NAALADL2: variants seen among roughly 807,000 people sequenced by gnomAD.
NAALADL2 encodes N-acetylated alpha-linked acidic dipeptidase like 2, also known as inactive N-acetylated-alpha-linked acidic dipeptidase-like protein 2.
In NAALADL2, 76 loss-of-function variants were observed where a neutral mutation model predicts 87.2. The ratio of observed to expected loss-of-function variants is 0.87; its 90% CI spans 0.72 to 1.05. The LOEUF (loss-of-function observed/expected upper bound fraction) is 1.05, where lower values mean the gene tolerates loss of function less well. Among genes scored for constraint, NAALADL2 ranks in the 50% least tolerant of loss-of-function variants. NAALADL2 has a pLI of 0.00. For synonymous variants in NAALADL2, 354 were observed against 331.0 expected, an observed-to-expected ratio of 1.07 and a Z score of -0.75; for missense variants, 1,089 against 945.8, an observed-to-expected ratio of 1.15 and a Z score of -1.99.
At chr3:174,901,327 G>C (rs569441327) in intron 1 of NAALADL2, among the ~76,000 whole-genome samples, 7 of 152,260 alleles carry the variant, frequency 4.6e-5, no homozygotes, top group African/African-American at 1.7e-4. Context: ...GATATAGATG[G>C]AGCTTGTGAG....
chr3:175,314,984 G>A (rs1758955397), intron 4 of NAALADL2, among the ~76,000 whole-genome samples: 1 of 151,902 alleles, frequency 6.6e-6, no homozygotes, highest in Admixed American at 6.6e-5. Context: ...ACAATCTAGT[G>A]CCACTGCAGT....
rs1017457583 is a variant in NAALADL2 at position 174,756,628 on chromosome 3, A to G, written c.-9+18882A>G. 2.0e-5 allele frequency among the ~76,000 whole-genome samples: 3 copies of G among 152,372 alleles called. No individual in the cohort carries two copies. The South Asian group carries it at 6.2e-4, about 32-fold the overall frequency. Reference sequence around the variant, plus strand: ...GCCTAAATATATGCAGCCTGCACAGACTTCTGTCATGAACAGATAGAGATC... The same window carrying G: ...GCCTAAATATATGCAGCCTGCACAGGCTTCTGTCATGAACAGATAGAGATC... On this transcript the variant is annotated intron_variant, in intron 3 of 3. Coordinates refer to the NAALADL2 transcript ENST00000434257.
At chr3:174,749,710 C>A (rs1734633244) in intron 3 of NAALADL2, among the ~76,000 whole-genome samples, 1 of 152,108 alleles carries the variant, frequency 6.6e-6, no homozygotes, top group African/African-American at 2.4e-5. Context: ...AATGTTAGTG[C>A]TAAAATCTGG....
At chr3:175,384,797 A>G (rs59627261) in intron 5 of NAALADL2, among the ~76,000 whole-genome samples, 5 of 149,746 alleles carry the variant, frequency 3.3e-5, no homozygotes, top group African/African-American at 1.2e-4. Context: ...ATTTATTTTT[A>G]ATTTATTTTA....
At chr3:175,735,792 G>A (rs1342239520) in intron 11 of NAALADL2, among the ~76,000 whole-genome samples, 5 of 152,164 alleles carry the variant, frequency 3.3e-5, no homozygotes, top group Non-Finnish European at 7.3e-5. Context: ...GGGACACAGA[G>A]CCAAACCGTA....
chr3:175,328,470 A>G (rs934272762), intron 5 of NAALADL2, among the ~76,000 whole-genome samples: 2 of 152,138 alleles, frequency 1.3e-5, no homozygotes, highest in East Asian at 1.9e-4. Flanking sequence ...GGGGAGGCAG[A>G]GAGTGTTTCG....
chr3:174,769,253 G>C (rs994601314), intron 3 of NAALADL2, among the ~76,000 whole-genome samples: 1 of 151,858 alleles, frequency 6.6e-6, no homozygotes, highest in Non-Finnish European at 1.5e-5. Context: ...ATATTATGCT[G>C]CTTACAGAAA....
chr3:175,346,010 G>C (rs1232021938), intron 5 of NAALADL2, among the ~76,000 whole-genome samples: 2 of 152,076 alleles, frequency 1.3e-5, no homozygotes, highest in Non-Finnish European at 2.9e-5. Context: ...CAATTGTTCA[G>C]GGACAAAGGA....
At chr3:174,553,296 A>C (rs1309078631) in intron 2 of NAALADL2, among the ~76,000 whole-genome samples, 1 of 152,182 alleles carries the variant, frequency 6.6e-6, no homozygotes, top group Non-Finnish European at 1.5e-5. Flanking sequence ...AGCAAAACCA[A>C]ACAAATCTGG....
At chr3:175,720,252 T>A (rs1400108863) in intron 11 of NAALADL2, among the ~76,000 whole-genome samples, 1 of 152,080 alleles carries the variant, frequency 6.6e-6, no homozygotes, top group Non-Finnish European at 1.5e-5. Flanking sequence ...TTGAAATTAT[T>A]AAATAATTTT....
rs537781256 is a variant in NAALADL2 at position 174,916,246 on chromosome 3, A to T, written c.43+56796A>T. On this transcript the variant is annotated intron_variant, in intron 1 of 13. Coordinates refer to ENST00000454872, the MANE Select transcript of NAALADL2 (RefSeq NM_207015.3). ...TTGGTGTGGATGTGGTGAAAAGGGAACACATTAATACTGTGGTGGGAATGT... is the reference window on the plus strand; with the variant it reads ...TTGGTGTGGATGTGGTGAAAAGGGATCACATTAATACTGTGGTGGGAATGT... Among the ~76,000 whole-genome samples the T allele has an allele frequency of 2.2e-4, 34 of 152,212 alleles. No homozygotes were observed. In the South Asian group the frequency reaches 4.3e-3, roughly 19 times the overall value.
At chr3:175,400,436 T>C (rs1770417946) in intron 5 of NAALADL2, among the ~76,000 whole-genome samples, 1 of 152,074 alleles carries the variant, frequency 6.6e-6, no homozygotes, top group African/African-American at 2.4e-5. Context: ...GTGTCCTTCT[T>C]TGAGGCCATT....
chr3:175,030,988 G>A (rs895832850), intron 1 of NAALADL2, among the ~76,000 whole-genome samples: 6 of 151,884 alleles, frequency 4.0e-5, no homozygotes, highest in African/African-American at 1.4e-4. Context: ...CTTCAAAAGT[G>A]TGATATTAAT....
chr3:174,511,808 G>A (rs572858679), intron 1 of NAALADL2, among the ~76,000 whole-genome samples: 81 of 151,448 alleles, frequency 5.3e-4, no homozygotes, highest in Non-Finnish European at 8.3e-4. Flanking sequence ...CAGCATGTGC[G>A]TCTTTTTGTT....
At chr3:174,750,300 T>C (rs945126011) in intron 3 of NAALADL2, among the ~76,000 whole-genome samples, 11 of 152,222 alleles carry the variant, frequency 7.2e-5, no homozygotes, top group African/African-American at 2.7e-4. Flanking sequence ...TTAGGAAAAT[T>C]ACCTTGAATT....
intron 3 of NAALADL2, among the ~76,000 whole-genome samples, chr3:174,755,998 C>G (rs573735221): frequency 6.6e-6 from 1 of 152,296 alleles, no homozygotes; most frequent in East Asian, 1.9e-4. Flanking sequence ...AATTCCATAT[C>G]AGGCAATCAC....
At chr3:175,507,182 GT>G (rs1404574653) in intron 9 of NAALADL2, among the ~76,000 whole-genome samples, 1 of 151,472 alleles carries the variant, frequency 6.6e-6, no homozygotes, top group East Asian at 1.9e-4. Flanking sequence ...ATACTGCTCT[GT>G]TTCATCCTCT....
intron 2 of NAALADL2, among the ~76,000 whole-genome samples, chr3:175,138,681 C>T (rs976721492): frequency 1.3e-5 from 2 of 148,656 alleles, no homozygotes; most frequent in Non-Finnish European, 3.0e-5. Flanking sequence ...AGGCTGAACT[C>T]GAGCTCCTAG....
chr3:175,542,696 A>G (rs1582325409), intron 9 of NAALADL2, among the ~76,000 whole-genome samples: 1 of 152,202 alleles, frequency 6.6e-6, no homozygotes, highest in African/African-American at 2.4e-5. Context: ...CAGAGGCAGA[A>G]TCCATGGACA....
Sources: allele counts gnomAD v4.1 joint callset (sites outside exome capture counted in the v4.1 genomes callset), GRCh38; gene constraint gnomAD v4.1.1; transcripts MANE v1.5; gene names NCBI Gene and HGNC (gene_info 2026-07-23, HGNC 2026-07-21).